NOVA1: variants seen among roughly 807,000 people sequenced by gnomAD.
The protein encoded by NOVA1 is RNA-binding protein Nova-1.
In NOVA1, 7 loss-of-function variants were observed where a neutral mutation model predicts 38.0. That is an observed-to-expected ratio of 0.18 (90% CI 0.10 to 0.35). The LOEUF (loss-of-function observed/expected upper bound fraction) is 0.35. NOVA1 is among the 10% of genes least tolerant of loss of function. NOVA1 has a pLI of 1.00. For synonymous variants in NOVA1, 270 were observed against 232.5 expected (o/e 1.16, Z -1.47); for missense variants, 460 against 616.0 (o/e 0.75, Z 2.68).
At chr14:26,505,936 C>T (rs1280597795) in intron 2 of NOVA1, among the ~76,000 whole-genome samples, 1 of 151,896 alleles carries the variant, frequency 6.6e-6, no homozygotes, top group Admixed American at 6.6e-5. Flanking sequence ...TCTCATTTTC[C>T]TTATTTCATT....
At chr14:26,470,183 A>T in intron 4 of NOVA1, 1 of 893,472 alleles carries the variant, frequency 1.1e-6, no homozygotes, top group Non-Finnish European at 1.4e-6. Flanking sequence ...TTTTCATTAC[A>T]ATTAGCTTAA....
rs187015021 is a variant in NOVA1 at position 26,519,939 on chromosome 14, C to T, written c.281-39796G>A. Among the ~76,000 whole-genome samples the T allele has an allele frequency of 2.8e-3, 428 of 152,158 alleles. 2 individuals carry two copies. The highest frequency in any genetic ancestry group is 9.3e-3 in the African/African-American group (385 of 41,510). Reference sequence around the variant, plus strand: ...GGGGTACATTTTCTGTTGATATACACGTGCAGTTGGTTTGCATTATTCAAG... The same window carrying T: ...GGGGTACATTTTCTGTTGATATACATGTGCAGTTGGTTTGCATTATTCAAG... On this transcript the variant is annotated intron_variant, in intron 2 of 4. Transcript: ENST00000539517.
At chr14:26,465,135 ACACAATACACTACT>A (rs1884009479) in intron 4 of NOVA1, among the ~76,000 whole-genome samples, 1 of 152,200 alleles carries the variant, frequency 6.6e-6, no homozygotes, top group African/African-American at 2.4e-5. Flanking sequence ...TATCACACAA[ACACAATACACTACT>A]CACACATATG....
intron 2 of NOVA1, among the ~76,000 whole-genome samples, chr14:26,517,914 T>C (rs539306806): frequency 3.5e-4 from 54 of 152,242 alleles, no homozygotes; most frequent in African/African-American, 1.2e-3. Flanking sequence ...TGAAGAAATA[T>C]ACTTGTTGGA....
chr14:26,597,284 G>C lies in NOVA1; in HGVS notation c.136+17C>G. On this transcript the variant is annotated intron_variant, in intron 1 of 4. Coordinates refer to ENST00000539517, the MANE Select transcript of NOVA1 (RefSeq NM_002515.3). ...GGCGGGGGATGGGGCCAGCGGGGAG[G>C]TGGAAGCGATACCCACCGCCCGTAT... 8.0e-7 allele frequency: 1 copy of C among 1,243,428 alleles called. No homozygotes were observed. The highest frequency in any genetic ancestry group is 1.0e-6 in the Non-Finnish European group (1 of 987,628). The allele number at this position is 1,243,428 out of a possible 1,614,324, so 77.0% of individuals were successfully genotyped here.
chr14:26,537,740 T>C (rs753597420), intron 2 of NOVA1, among the ~76,000 whole-genome samples: 4 of 152,042 alleles, frequency 2.6e-5, no homozygotes, highest in Non-Finnish European at 5.9e-5. Context: ...AATAAGTAAG[T>C]AATAAATAAG....
At chr14:26,583,282 T>C (rs1327612452) in intron 2 of NOVA1, among the ~76,000 whole-genome samples, 2 of 151,650 alleles carry the variant, frequency 1.3e-5, no homozygotes, top group Non-Finnish European at 1.5e-5. Context: ...GAATTTGACC[T>C]GCAAAAAAAC....
At chr14:26,556,056 T>C (rs1282957371) in intron 2 of NOVA1, among the ~76,000 whole-genome samples, 3 of 152,150 alleles carry the variant, frequency 2.0e-5, no homozygotes, top group African/African-American at 7.2e-5. Context: ...GAAGACTCAC[T>C]GTTGTTAACA....
At chr14:26,480,216 T>C in intron 2 of NOVA1, 73 bp from the exon 3 acceptor site, 1 of 1,328,072 alleles carries the variant, frequency 7.5e-7, no homozygotes, top group African/African-American at 1.5e-5. Flanking sequence ...AAGGATGATA[T>C]CATAACGCCA....
At chr14:26,553,221 G>C (rs897064277) in intron 2 of NOVA1, among the ~76,000 whole-genome samples, 1 of 152,150 alleles carries the variant, frequency 6.6e-6, no homozygotes, top group Non-Finnish European at 1.5e-5. Flanking sequence ...CGAAGGCTAA[G>C]AACAAAGGCA....
Position 26,597,295 on chromosome 14 carries a change from A to T in NOVA1, c.136+6T>A. On this transcript the variant is annotated splice_donor_region_variant and intron_variant, in intron 1 of 4. Coordinates refer to ENST00000539517, the MANE Select transcript of NOVA1 (RefSeq NM_002515.3). ...GGGCCAGCGGGGAGGTGGAAGCGAT[A>T]CCCACCGCCCGTATTGGTCCTCTTG... 1 of 1,243,382 alleles carries T rather than the reference A, an allele frequency of 8.0e-7. No individual in the cohort carries two copies. The highest frequency in any genetic ancestry group is 1.0e-6 in the Non-Finnish European group (1 of 987,524). The allele number at this position is 1,243,382 out of a possible 1,614,324, so 77.0% of individuals were successfully genotyped here. A position where few individuals can be genotyped will look rare whatever the true frequency, so the allele number is the denominator to read the frequency against.
intron 2 of NOVA1, among the ~76,000 whole-genome samples, chr14:26,583,294 T>C (rs911720339): frequency 6.6e-6 from 1 of 151,748 alleles, no homozygotes; most frequent in South Asian, 2.1e-4. Flanking sequence ...CAAAAAAACA[T>C]GTATGCAACT....
intron 2 of NOVA1, among the ~76,000 whole-genome samples, chr14:26,556,037 C>T (rs908731662): frequency 2.0e-5 from 3 of 152,116 alleles, no homozygotes; most frequent in African/African-American, 7.2e-5. Flanking sequence ...ATTTCATGTA[C>T]TCAGAGAGGA....
At chr14:26,458,441 A>G (rs1349602172) in intron 4 of NOVA1, among the ~76,000 whole-genome samples, 1 of 152,134 alleles carries the variant, frequency 6.6e-6, no homozygotes, top group Non-Finnish European at 1.5e-5. Flanking sequence ...ATGCCCATCA[A>G]TGGTGGACTG....
chr14:26,524,755 T>C (rs1489565953), intron 2 of NOVA1, among the ~76,000 whole-genome samples: 3 of 152,154 alleles, frequency 2.0e-5, no homozygotes, highest in African/African-American at 4.8e-5. Context: ...CCATATATGG[T>C]AGAGTCAAGA....
At chr14:26,529,242 T>A (rs2138541768) in intron 2 of NOVA1, among the ~76,000 whole-genome samples, 1 of 151,970 alleles carries the variant, frequency 6.6e-6, no homozygotes, top group Non-Finnish European at 1.5e-5. Flanking sequence ...GATTCAAGCA[T>A]TTCTCCGGCC....
intron 2 of NOVA1, among the ~76,000 whole-genome samples, chr14:26,503,418 AT>A (rs961615879): frequency 2.0e-4 from 31 of 152,196 alleles, no homozygotes; most frequent in African/African-American, 6.5e-4. Context: ...AAAAATATTC[AT>A]TTTCAATTGT....
chr14:26,596,556 G>A (rs1566569886), intron 1 of NOVA1: 1 of 1,289,072 alleles, frequency 7.8e-7, no homozygotes, highest in Admixed American at 2.3e-5. Context: ...CAATGCATAT[G>A]CTGGAGATAA....
chr14:26,536,738 GA>G (rs535048269), intron 2 of NOVA1, among the ~76,000 whole-genome samples: 63 of 152,190 alleles, frequency 4.1e-4, no homozygotes, highest in African/African-American at 9.1e-4. Flanking sequence ...AAAAGGGGGG[GA>G]AAGATAACAG....
Sources: gnomAD v4.1 joint callset for allele counts (sites outside exome capture counted in the v4.1 genomes callset) on GRCh38, gnomAD v4.1.1 for gene constraint, MANE v1.5 for transcripts, NCBI Gene and HGNC (gene_info 2026-07-23, HGNC 2026-07-21) for gene names.